The following SEMA5B variants were observed in gnomAD, a reference collection of about 807,000 sequenced individuals.
SEMA5B encodes the protein semaphorin-5B.
SEMA5B carries 66 observed loss-of-function variants against 135.0 expected under a neutral mutation model. That is an observed-to-expected ratio of 0.49 (90% CI 0.40 to 0.60). The LOEUF (loss-of-function observed/expected upper bound fraction) is 0.60, where lower values mean the gene tolerates loss of function less well. Among genes scored for constraint, SEMA5B ranks in the 20% least tolerant of loss-of-function variants. The pLI is 0.00. For missense variants in SEMA5B, 1,501 were observed against 1,566.3 expected, an observed-to-expected ratio of 0.96 and a Z score of 0.70; for synonymous variants, 690 against 639.5, an observed-to-expected ratio of 1.08 and a Z score of -1.19.
At chr3:122,953,732 T>C (rs1369530575) in intron 2 of SEMA5B, among the ~76,000 whole-genome samples, 3 of 152,218 alleles carry the variant, frequency 2.0e-5, no homozygotes, top group Admixed American at 6.5e-5. Flanking sequence ...TTGGTTCCCA[T>C]ATCACTGGAA....
chr3:123,000,034 C>G (rs1042365465), intron 1 of SEMA5B, among the ~76,000 whole-genome samples: 1 of 152,210 alleles, frequency 6.6e-6, no homozygotes, highest in East Asian at 1.9e-4. Flanking sequence ...GTGGTGAAAC[C>G]CCATCTCTAC....
At chr3:122,936,675 C>A (rs1400322636) in intron 5 of SEMA5B, among the ~76,000 whole-genome samples, 1 of 152,242 alleles carries the variant, frequency 6.6e-6, no homozygotes, top group Non-Finnish European at 1.5e-5. Context: ...GTCCTCTCAG[C>A]AGCCCGGGGA....
chr3:122,936,236 A>G (rs1939281218), intron 5 of SEMA5B, among the ~76,000 whole-genome samples: 1 of 152,186 alleles, frequency 6.6e-6, no homozygotes, highest in Admixed American at 6.5e-5. Flanking sequence ...ACGCTGTGAG[A>G]GGAAGCAGGC....
chr3:123,016,175 T>C (rs1000442540), intron 1 of SEMA5B, among the ~76,000 whole-genome samples: 1 of 152,142 alleles, frequency 6.6e-6, no homozygotes, highest in Non-Finnish European at 1.5e-5. Context: ...GAGCCCCACA[T>C]TGGTGTGTGC....
intron 1 of SEMA5B, among the ~76,000 whole-genome samples, chr3:123,024,194 C>A (rs776228105): frequency 1.3e-5 from 2 of 152,294 alleles, no homozygotes; most frequent in South Asian, 4.1e-4. Flanking sequence ...AGACTAAGCA[C>A]GGGAGTGTTA....
chr3:122,911,912 G>T lies in SEMA5B; in HGVS notation c.3046+8C>A, dbSNP rs764399967. ...GGTTGCTGCGCAGGTGCTGGCAGGG[G>T]TACCTACCGGGAATCTCGCTGTAGG... is the stretch of plus-strand genomic sequence containing the variant. On this transcript the variant is annotated splice_region_variant and intron_variant, in intron 20 of 22. Transcript: ENST00000357599. The T allele has an allele frequency of 2.4e-5, 38 of 1,591,464 alleles. No homozygotes were observed. In the African/African-American group the frequency reaches 4.8e-4, roughly 20 times the overall value.
chr3:122,994,502 G>A (rs1941976874), intron 1 of SEMA5B, among the ~76,000 whole-genome samples: 2 of 152,218 alleles, frequency 1.3e-5, no homozygotes, highest in African/African-American at 4.8e-5. Context: ...CTGCCATGAT[G>A]GGTGTGTGCT....
At chr3:122,978,667 C>A (rs1048830952) in intron 1 of SEMA5B, among the ~76,000 whole-genome samples, 2 of 152,122 alleles carry the variant, frequency 1.3e-5, no homozygotes, top group Non-Finnish European at 2.9e-5. Context: ...TGGGAGCAGA[C>A]CCCTCCGCTG....
In SEMA5B at chr3:122,913,595, C is replaced by T. The variant is rs1465394400; in HGVS notation, c.2219G>A (p.Gly740Glu). ...SWSKCSSNCG[G>E]GMQSRRRACE... ...GGCCCGACGCCGCGACTGCATGCCC[C>T]CTCCACAGTTGCTGCTGCACTTGCT... Residue 740 changes from glycine to glutamate, a missense_variant, in exon 16 of 23, where the codon GGG becomes GAG. Gly to Glu is a moderately conservative substitution (Grantham distance 98). This residue lies in a region of SEMA5B where 927 missense variants were observed against 881.6 expected (regional missense o/e 1.05). Transcript: ENST00000357599. The T allele has an allele frequency of 1.2e-6, 2 of 1,613,320 alleles. No homozygotes were observed. The highest frequency in any genetic ancestry group is 2.2e-5 in the East Asian group (1 of 44,880).
At chr3:123,020,622 G>A (rs1050455921) in intron 1 of SEMA5B, among the ~76,000 whole-genome samples, 3 of 152,216 alleles carry the variant, frequency 2.0e-5, no homozygotes, top group Admixed American at 1.3e-4. Context: ...ATGAGGCCAG[G>A]TAGAGCCTAG....
intron 5 of SEMA5B, among the ~76,000 whole-genome samples, chr3:122,935,683 T>TTTC (rs1302051842): frequency 1.0e-5 from 1 of 96,662 alleles, no homozygotes; most frequent in South Asian, 3.9e-4. Flanking sequence ...TTTTTCTTTC[T>TTTC]TTCTTTTTTT....
At chr3:122,942,099 G>A (rs1022712650) in intron 4 of SEMA5B, among the ~76,000 whole-genome samples, 1 of 151,984 alleles carries the variant, frequency 6.6e-6, no homozygotes, top group Non-Finnish European at 1.5e-5. Flanking sequence ...TGTACCTTTT[G>A]AATGTCCTAC....
chr3:122,932,309 A>G (rs56031028), intron 5 of SEMA5B, among the ~76,000 whole-genome samples: 32,369 of 132,746 alleles, frequency 0.24, 3,779 homozygotes, highest in Middle Eastern at 0.42. Flanking sequence ...GCTGGAGTAC[A>G]GTGACACAAT....
At chr3:122,943,080 A>C (rs1338402490) in intron 4 of SEMA5B, among the ~76,000 whole-genome samples, 2 of 152,136 alleles carry the variant, frequency 1.3e-5, no homozygotes, top group East Asian at 3.9e-4. Context: ...GCCCCTGGGC[A>C]CCTTCTCTGC....
chr3:122,975,864 C>G (rs1157186431), intron 1 of SEMA5B: 2 of 1,237,044 alleles, frequency 1.6e-6, no homozygotes, highest in Non-Finnish European at 2.2e-6. Flanking sequence ...CAACCAAATC[C>G]AAACACCCTG....
chr3:122,971,658 A>G (rs907402925), intron 1 of SEMA5B, among the ~76,000 whole-genome samples: 5 of 152,256 alleles, frequency 3.3e-5, no homozygotes, highest in African/African-American at 9.6e-5. Flanking sequence ...CTGAATGCCC[A>G]GTGGGGAAGG....
chr3:122,951,725 T>A (rs1473434205), intron 2 of SEMA5B, among the ~76,000 whole-genome samples: 1 of 152,232 alleles, frequency 6.6e-6, no homozygotes, highest in Non-Finnish European at 1.5e-5. Flanking sequence ...GGCAGAGTCC[T>A]GGGCTGGCAG....
intron 1 of SEMA5B, among the ~76,000 whole-genome samples, chr3:122,968,008 C>A (rs1312300422): frequency 6.6e-6 from 1 of 152,246 alleles, no homozygotes. Context: ...AGAGCTAGCA[C>A]GTGTTCCACG....
rs772723887 is a variant in SEMA5B, at chr3:122,912,843, C to G, written c.2725G>C (p.Val909Leu). The G allele has an allele frequency of 1.3e-6, 2 of 1,570,402 alleles. No individual in the cohort carries two copies. The highest frequency in any genetic ancestry group is 2.7e-5 in the African/African-American group (2 of 72,946). ...AAGGATTCCTTCCGTGCAGGGTTAC[C>G]TGGGCAAGCCTGGGGGTTGCAGTCC... ...YQDCNPQACPVRGAWSCWTSW... is the reference protein window; with the variant it reads ...YQDCNPQACPLRGAWSCWTSW... Residue 909 changes from valine to leucine, a missense_variant and splice_region_variant, in exon 18 of 23, where the codon GTT becomes CTT. Around this residue, in one of 2 missense-constraint regions of SEMA5B, gnomAD observed 927 missense variants for 881.6 expected, o/e 1.05. Transcript: ENST00000357599.
Sources: allele counts gnomAD v4.1 joint callset (sites outside exome capture counted in the v4.1 genomes callset), GRCh38; gene constraint gnomAD v4.1.1; regional missense constraint gnomAD v4.1.1; transcripts MANE v1.5; gene names NCBI Gene and HGNC (gene_info 2026-07-23, HGNC 2026-07-21).